Variants in MOB3B observed in about 807,000 individuals in gnomAD.
MOB3B encodes MOB kinase activator 3B, also known as MOB kinase activator-like 2B.
Under a neutral mutation model 18.7 loss-of-function variants are expected in MOB3B, and 7 were observed. The ratio of observed to expected loss-of-function variants is 0.37; its 90% CI spans 0.21 to 0.70. MOB3B has a LOEUF of 0.70. Among genes scored for constraint, MOB3B ranks in the 30% least tolerant of loss-of-function variants. MOB3B has a pLI of 0.52. For synonymous variants in MOB3B, 111 were observed against 99.9 expected, an observed-to-expected ratio of 1.11 and a Z score of -0.66; for missense variants, 253 against 281.3, an observed-to-expected ratio of 0.90 and a Z score of 0.72.
At chr9:27,418,663 C>T (rs1822193483) in intron 2 of MOB3B, among the ~76,000 whole-genome samples, 1 of 152,140 alleles carries the variant, frequency 6.6e-6, no homozygotes, top group Non-Finnish European at 1.5e-5. Context: ...TCAGAAAAAT[C>T]AGCATACAAG....
rs1003511262 is a variant in MOB3B at position 27,326,370 on chromosome 9, C to A, written c.*4217G>T. On this transcript the variant is annotated 3_prime_UTR_variant, in exon 4 of 4. Coordinates refer to ENST00000262244, the MANE Select transcript of MOB3B (RefSeq NM_024761.5). ...AGCCTTCAGATATTTAATGGATATG[C>A]AAATAAAGCTCTGATTAATTGTATT... is the stretch of plus-strand genomic sequence containing the variant. The A allele has an allele frequency of 3.3e-5, 13 of 397,836 alleles. No individual in the cohort carries two copies. The highest frequency in any genetic ancestry group is 5.3e-5 in the Non-Finnish European group (12 of 225,848). 24.6% of individuals were successfully genotyped at this position (397,836 alleles called of 1,614,324 possible).
At chr9:27,339,190 G>A (rs1820905801) in intron 3 of MOB3B, among the ~76,000 whole-genome samples, 1 of 152,230 alleles carries the variant, frequency 6.6e-6, no homozygotes, top group Non-Finnish European at 1.5e-5. Context: ...TGTTTTCAGA[G>A]GAGGGTAAAG....
chr9:27,383,186 A>G (rs1048654146), intron 2 of MOB3B, among the ~76,000 whole-genome samples: 14 of 152,082 alleles, frequency 9.2e-5, no homozygotes, highest in African/African-American at 3.1e-4. Context: ...AAATTATGCA[A>G]CCTCTCTGTG....
chr9:27,426,442 TATC>T (rs754046211), intron 2 of MOB3B, among the ~76,000 whole-genome samples: 7 of 152,198 alleles, frequency 4.6e-5, no homozygotes, highest in Non-Finnish European at 1.0e-4. Flanking sequence ...TCAGTTGAGA[TATC>T]ATGTGTATTG....
chr9:27,508,815 T>C (rs886432586), intron 1 of MOB3B, among the ~76,000 whole-genome samples: 3 of 152,158 alleles, frequency 2.0e-5, no homozygotes, highest in African/African-American at 4.8e-5. Flanking sequence ...AGTCTAAATA[T>C]TGAAGAAAAT....
At position 27,328,483 on chromosome 9, in the gene MOB3B, C is replaced by G. The variant is rs1820742397; in HGVS notation, c.*2104G>C. 1 of 151,708 alleles carries G rather than the reference C, an allele frequency of 6.6e-6. No homozygotes were observed. The highest frequency in any genetic ancestry group is 2.4e-5 in the African/African-American group (1 of 41,290). The allele number at this position is 151,708 out of a possible 1,614,324, so 9.4% of individuals were successfully genotyped here. On this transcript the variant is annotated 3_prime_UTR_variant, in exon 4 of 4. Transcript: ENST00000262244. Reference sequence around the variant, plus strand: ...AGCAGGAGGAAATTCTTCCAAGAAGCTTAAAAAGATTTGGATTTTTAAATT... The same window carrying G: ...AGCAGGAGGAAATTCTTCCAAGAAGGTTAAAAAGATTTGGATTTTTAAATT...
At chr9:27,447,404 C>T (rs1339700958) in intron 2 of MOB3B, among the ~76,000 whole-genome samples, 1 of 152,186 alleles carries the variant, frequency 6.6e-6, no homozygotes, top group Admixed American at 6.5e-5. Flanking sequence ...GCAGCAGATG[C>T]CCCCATCCCC....
chr9:27,423,921 C>T (rs1023199711), intron 2 of MOB3B, among the ~76,000 whole-genome samples: 1 of 152,120 alleles, frequency 6.6e-6, no homozygotes, highest in Admixed American at 6.5e-5. Context: ...GCTAATCTGC[C>T]CACTTTACAG....
At chr9:27,370,409 G>A (rs1821399550) in intron 2 of MOB3B, among the ~76,000 whole-genome samples, 1 of 151,600 alleles carries the variant, frequency 6.6e-6, no homozygotes, top group East Asian at 1.9e-4. Flanking sequence ...TAGGGAGGCT[G>A]AGGCAGGAGA....
rs114219054 is a variant in MOB3B at position 27,453,382 on chromosome 9, C to A, written c.418+1751G>T. 4.0e-3 allele frequency among the ~76,000 whole-genome samples: 602 copies of A among 152,234 alleles called. 4 individuals are homozygous for A. Among genetic ancestry groups the A allele is most frequent in the African/African-American group, 0.014 (581 of 41,530 alleles). On this transcript the variant is annotated intron_variant, in intron 2 of 3. Transcript: ENST00000262244. ...GAGGCTAGATGGGGTAGAGCTGAAA[C>A]AGAGGATTCTGACCAGGTAAGCACG...
At chr9:27,343,432 C>T (rs1442497056) in intron 3 of MOB3B, among the ~76,000 whole-genome samples, 2 of 145,796 alleles carry the variant, frequency 1.4e-5, no homozygotes, top group Non-Finnish European at 3.0e-5. Context: ...TATGACCCTG[C>T]CAAATCCCCC....
chr9:27,501,217 G>C (rs1166854864), intron 1 of MOB3B, among the ~76,000 whole-genome samples: 3 of 152,218 alleles, frequency 2.0e-5, no homozygotes, highest in Admixed American at 2.0e-4. Flanking sequence ...TCTAGAGCTA[G>C]AAATACCATT....
chr9:27,448,173 C>T (rs989521322), intron 2 of MOB3B, among the ~76,000 whole-genome samples: 2 of 152,174 alleles, frequency 1.3e-5, no homozygotes, highest in Admixed American at 6.5e-5. Context: ...GGAGTTGAGA[C>T]ACCTTGGGTC....
At chr9:27,430,587 A>G (rs1822403256) in intron 2 of MOB3B, among the ~76,000 whole-genome samples, 1 of 152,168 alleles carries the variant, frequency 6.6e-6, no homozygotes, top group African/African-American at 2.4e-5. Context: ...TGAAACCACT[A>G]AAATAGTGTG....
At chr9:27,357,146 G>GTATATATATATATATATATATATA (rs201108645) in intron 3 of MOB3B, among the ~76,000 whole-genome samples, 1 of 48,130 alleles carries the variant, frequency 2.1e-5, no homozygotes, top group Non-Finnish European at 4.1e-5. Flanking sequence ...ATATATATAT[G>GTATATATATATATATATATATATA]TGTTTTTTTT....
chr9:27,429,728 T>C (rs1303774790), intron 2 of MOB3B, among the ~76,000 whole-genome samples: 1 of 151,990 alleles, frequency 6.6e-6, no homozygotes, highest in East Asian at 1.9e-4. Context: ...CCACCAGTGG[T>C]GCTGGTGGAA....
chr9:27,500,205 T>A (rs771521106), intron 1 of MOB3B, among the ~76,000 whole-genome samples: 1 of 152,150 alleles, frequency 6.6e-6, no homozygotes, highest in African/African-American at 2.4e-5. Context: ...TAGTTTCAAA[T>A]TCCCTGTGCT....
At chr9:27,428,516 T>C (rs77178692) in intron 2 of MOB3B, among the ~76,000 whole-genome samples, 1 of 152,360 alleles carries the variant, frequency 6.6e-6, no homozygotes, top group East Asian at 1.9e-4. Flanking sequence ...GAGTTTGTTC[T>C]GTGTGGAGAA....
At chr9:27,459,672 G>A (rs1286198853) in intron 1 of MOB3B, among the ~76,000 whole-genome samples, 3 of 152,074 alleles carry the variant, frequency 2.0e-5, no homozygotes, top group African/African-American at 7.2e-5. Flanking sequence ...GACAGATGGT[G>A]ACAATGACCA....
Sources: allele counts gnomAD v4.1 joint callset (sites outside exome capture counted in the v4.1 genomes callset), GRCh38; gene constraint gnomAD v4.1.1; transcripts MANE v1.5; gene names NCBI Gene and HGNC (gene_info 2026-07-23, HGNC 2026-07-21).